Variants in EXD2 observed in about 807,000 individuals in gnomAD.
The protein encoded by EXD2 is exonuclease 3'-5' domain-containing protein 2.
Under a neutral mutation model 62.5 loss-of-function variants are expected in EXD2, and 40 were observed. The observed-to-expected ratio is 0.64, with a 90% confidence interval of 0.50 to 0.83. The LOEUF (loss-of-function observed/expected upper bound fraction) is 0.83. Among genes scored for constraint, EXD2 ranks in the 40% least tolerant of loss-of-function variants. EXD2 has a pLI of 0.00. For missense variants in EXD2, 671 were observed against 761.8 expected (o/e 0.88, Z 1.40); for synonymous variants, 239 against 291.9 (o/e 0.82, Z 1.85).
At chr14:69,236,760 A>C (rs1490312629) in intron 8 of EXD2, among the ~76,000 whole-genome samples, 1 of 152,134 alleles carries the variant, frequency 6.6e-6, no homozygotes, top group Non-Finnish European at 1.5e-5. Context: ...GGAGTGCAAC[A>C]CCATACTCAG....
intron 3 of EXD2, among the ~76,000 whole-genome samples, chr14:69,217,095 C>T (rs2043011066): frequency 6.6e-6 from 1 of 152,174 alleles, no homozygotes; most frequent in African/African-American, 2.4e-5. Context: ...CTCTGTTACC[C>T]AGGCTAGAGT....
rs1284989109 is a variant in EXD2, at chr14:69,242,859, T to TA, written c.*1760dup. The TA allele has an allele frequency of 2.0e-5, 3 of 152,250 alleles. No homozygotes were observed. Among genetic ancestry groups the TA allele is most frequent in the African/African-American group, 7.2e-5 (3 of 41,474 alleles). 9.4% of individuals were successfully genotyped at this position (152,250 alleles called of 1,614,324 possible). ...TGGTTACTGAACGTAACTCATGACT[T>TA]ATGTTTCAAATTTTGCATAGCTGAT... On this transcript the variant is annotated 3_prime_UTR_variant, in exon 10 of 10. Coordinates refer to ENST00000685843, the MANE Select transcript of EXD2 (RefSeq NM_001193360.2).
At chr14:69,229,466 T>G (rs559520598) in intron 4 of EXD2, among the ~76,000 whole-genome samples, 4 of 152,242 alleles carry the variant, frequency 2.6e-5, no homozygotes, top group Non-Finnish European at 5.9e-5. Flanking sequence ...CTGACTACAC[T>G]GAGTCTACAG....
chr14:69,235,132 AGC>A, intron 6 of EXD2, 101 bp downstream of exon 6: 1 of 1,058,060 alleles, frequency 9.5e-7, no homozygotes, highest in Non-Finnish European at 1.3e-6. Flanking sequence ...GTAGTAGGGG[AGC>A]AGCAGCTCTC....
Position 69,236,550 on chromosome 14 carries a change from C to G in EXD2, c.1292+8C>G. The G allele has an allele frequency of 6.2e-7, 1 of 1,614,118 alleles. No individual in the cohort carries two copies. Among genetic ancestry groups the G allele is most frequent in the Non-Finnish European group, 8.5e-7 (1 of 1,180,000 alleles). On this transcript the variant is annotated splice_region_variant and intron_variant, in intron 8 of 9. Coordinates refer to ENST00000685843, the MANE Select transcript of EXD2 (RefSeq NM_001193360.2). ...GAGAGACTCCTACATTCGGTGAGTG[C>G]AGCATTGGGCCACCCTGGTTGTCTG...
chr14:69,220,493 C>T (rs1158233901), intron 3 of EXD2, among the ~76,000 whole-genome samples: 1 of 146,660 alleles, frequency 6.8e-6, no homozygotes, highest in East Asian at 2.0e-4. Flanking sequence ...CTCCTGACCT[C>T]GTGATCCGCC....
At chr14:69,229,895 G>A (rs1272550092) in intron 4 of EXD2, among the ~76,000 whole-genome samples, 1 of 152,044 alleles carries the variant, frequency 6.6e-6, no homozygotes, top group Non-Finnish European at 1.5e-5. Flanking sequence ...AGTATAAAAT[G>A]AAATTTTATT....
At chr14:69,228,792 CA>C in intron 3 of EXD2, 23 bp from the exon 4 acceptor site, 1 of 1,597,002 alleles carries the variant, frequency 6.3e-7, no homozygotes, top group Non-Finnish European at 8.5e-7. Flanking sequence ...GTGTGAACCA[CA>C]ACCTTGTCTT....
In EXD2 at chr14:69,206,213, AC is replaced by A. The variant is rs1324439143; in HGVS notation, c.-48+2216del. ...TGGGATTACAGGTGTGAGCCACTGC[AC>A]CCAGCTGAGGAATTTTCCTCTTTCA... On this transcript the variant is annotated intron_variant, in intron 2 of 9. Transcript: ENST00000685843. Among the ~76,000 whole-genome samples, 6 of 151,452 alleles carry A rather than the reference AC, an allele frequency of 4.0e-5. No individual in the cohort carries two copies. The East Asian group carries it at 1.2e-3, about 30-fold the overall frequency.
At chr14:69,224,992 G>A (rs907031949) in intron 3 of EXD2, among the ~76,000 whole-genome samples, 54 of 152,062 alleles carry the variant, frequency 3.6e-4, no homozygotes, top group Non-Finnish European at 6.2e-4. Flanking sequence ...AGAATAAAAC[G>A]CAGATGTCTC....
chr14:69,206,708 C>T (rs569313679), intron 2 of EXD2, among the ~76,000 whole-genome samples: 1 of 152,006 alleles, frequency 6.6e-6, no homozygotes, highest in African/African-American at 2.4e-5. Context: ...TCTCAAACTC[C>T]TAGGCTCAAG....
At chr14:69,217,325 G>C (rs1008538467) in intron 3 of EXD2, among the ~76,000 whole-genome samples, 1 of 152,178 alleles carries the variant, frequency 6.6e-6, no homozygotes, top group Non-Finnish European at 1.5e-5. Context: ...GAGTAGCTGG[G>C]ATTATGGGAG....
At chr14:69,202,940 C>T (rs1238098879) in intron 1 of EXD2, among the ~76,000 whole-genome samples, 3 of 152,168 alleles carry the variant, frequency 2.0e-5, no homozygotes, top group South Asian at 2.1e-4. Context: ...TTATATGACC[C>T]AACAATGAGA....
chr14:69,201,294 T>C (rs1566816226), intron 1 of EXD2, among the ~76,000 whole-genome samples: 1 of 151,888 alleles, frequency 6.6e-6, no homozygotes, highest in Non-Finnish European at 1.5e-5. Context: ...GTTCAAGTGA[T>C]TCTCATGTCT....
chr14:69,222,411 A>G (rs1239904936), intron 3 of EXD2, among the ~76,000 whole-genome samples: 1 of 152,026 alleles, frequency 6.6e-6, no homozygotes, highest in East Asian at 1.9e-4. Context: ...ACATCTTTCC[A>G]TATTACTCCA....
In EXD2 at chr14:69,235,097, T is replaced by C. The variant is rs115317715; in HGVS notation, c.1049+66T>C. 2,195 of 1,419,500 alleles carry C rather than the reference T, an allele frequency of 1.5e-3. 30 individuals carry two copies. The African/African-American group carries it at 0.029, about 19-fold the overall frequency. 87.9% of individuals were successfully genotyped at this position (1,419,500 alleles called of 1,614,324 possible). On this transcript the variant is annotated intron_variant, in intron 6 of 9. Coordinates refer to ENST00000685843, the MANE Select transcript of EXD2 (RefSeq NM_001193360.2). ...CAGCCTTAGCAAAGGGTTTGATGCT[T>C]CCCTGGGGTCTGGGGAGAAGGCTTG...
chr14:69,206,501 C>T (rs998330615), intron 2 of EXD2, among the ~76,000 whole-genome samples: 1 of 121,202 alleles, frequency 8.3e-6, no homozygotes, highest in African/African-American at 3.7e-5. Context: ...TAGGGTCTCA[C>T]TCTCTCACCC....
intron 3 of EXD2, among the ~76,000 whole-genome samples, chr14:69,228,314 C>T (rs1171397970): frequency 6.6e-6 from 1 of 151,798 alleles, no homozygotes; most frequent in African/African-American, 2.4e-5. Flanking sequence ...GCCTCAGGCT[C>T]CCATGTAGCT....
chr14:69,219,392 T>C (rs2043094987), intron 3 of EXD2, among the ~76,000 whole-genome samples: 1 of 152,240 alleles, frequency 6.6e-6, no homozygotes, highest in African/African-American at 2.4e-5. Flanking sequence ...TCCATTCTTC[T>C]GTTGATGAAC....
Sources: allele counts gnomAD v4.1 joint callset (sites outside exome capture counted in the v4.1 genomes callset), GRCh38; gene constraint gnomAD v4.1.1; transcripts MANE v1.5; gene names NCBI Gene and HGNC (gene_info 2026-07-23, HGNC 2026-07-21).